The following TMEM232 variants were observed in gnomAD, a reference collection of about 807,000 sequenced individuals.
TMEM232 encodes transmembrane protein 232.
In TMEM232, 80 loss-of-function variants were observed where a neutral mutation model predicts 78.8. The ratio of observed to expected loss-of-function variants is 1.01; its 90% CI spans 0.85 to 1.22. The LOEUF is 1.22. Among genes scored for constraint, TMEM232 ranks in the 50% most tolerant of loss-of-function variants. TMEM232 has a pLI of 0.00. For missense variants in TMEM232, 881 were observed against 742.2 expected, an observed-to-expected ratio of 1.19 and a Z score of -2.17; for synonymous variants, 297 against 254.3, an observed-to-expected ratio of 1.17 and a Z score of -1.60.
At chr5:110,634,321 T>G (rs1489168358) in intron 5 of TMEM232, among the ~76,000 whole-genome samples, 1 of 152,172 alleles carries the variant, frequency 6.6e-6, no homozygotes, top group East Asian at 1.9e-4. Flanking sequence ...ACATTGTATT[T>G]AACTTGGACT....
rs192451409 is a variant in TMEM232, at chr5:110,660,978, T to C, written c.125+6250A>G. On this transcript the variant is annotated intron_variant, in intron 2 of 13. Coordinates refer to ENST00000455884, the MANE Select transcript of TMEM232 (RefSeq NM_001039763.4). ...TGTTGTCCCCATTAACCAACCTCTC[T>C]TCTTCCCCACTTCTTCACCCTTCCC... Among the ~76,000 whole-genome samples, 599 of 152,254 alleles carry C rather than the reference T, an allele frequency of 3.9e-3. 11 individuals carry two copies. Among genetic ancestry groups the C allele is most frequent in the Admixed American group, 0.032 (488 of 15,286 alleles).
chr5:110,642,672 A>C (rs1786910563), intron 2 of TMEM232, among the ~76,000 whole-genome samples: 1 of 152,120 alleles, frequency 6.6e-6, no homozygotes, highest in African/African-American at 2.4e-5. Context: ...GATAAAATCC[A>C]GCACGGCTTC....
chr5:110,440,035 C>A (rs554270635), intron 12 of TMEM232, among the ~76,000 whole-genome samples: 2 of 152,204 alleles, frequency 1.3e-5, no homozygotes, highest in East Asian at 3.9e-4. Context: ...TTTTGTTATG[C>A]AAATGGTTTC....
At chr5:110,664,546 T>C (rs1294041068) in intron 2 of TMEM232, among the ~76,000 whole-genome samples, 1 of 152,232 alleles carries the variant, frequency 6.6e-6, no homozygotes, top group Non-Finnish European at 1.5e-5. Context: ...AGAAAAGTAT[T>C]GGAAACAAAC....
At chr5:110,596,849 T>A (rs1780231447) in intron 10 of TMEM232, among the ~76,000 whole-genome samples, 1 of 152,170 alleles carries the variant, frequency 6.6e-6, no homozygotes, top group South Asian at 2.1e-4. Flanking sequence ...AAATTAGGTA[T>A]TGATGGGACG....
chr5:110,567,793 C>T (rs1386874139), intron 11 of TMEM232, among the ~76,000 whole-genome samples: 3 of 151,866 alleles, frequency 2.0e-5, no homozygotes, highest in African/African-American at 7.2e-5. Flanking sequence ...AGCCTTCTTC[C>T]TGGTATTTCT....
chr5:110,543,437 G>T (rs1235983008), intron 11 of TMEM232, among the ~76,000 whole-genome samples: 1 of 152,142 alleles, frequency 6.6e-6, no homozygotes, highest in Non-Finnish European at 1.5e-5. Flanking sequence ...TTTCTTGCAA[G>T]AAGTTGCCAG....
intron 8 of TMEM232, among the ~76,000 whole-genome samples, chr5:110,614,107 G>A (rs1782642095): frequency 1.3e-5 from 2 of 152,032 alleles, no homozygotes; most frequent in South Asian, 4.2e-4. Context: ...AGCAATTATT[G>A]TTTTCCTTTC....
At chr5:110,495,611 A>C in intron 12 of TMEM232, among the ~76,000 whole-genome samples, 1 of 151,952 alleles carries the variant, frequency 6.6e-6, no homozygotes, top group East Asian at 1.9e-4. Flanking sequence ...ATGATTCTCT[A>C]GTCCAAAAAA....
At chr5:110,531,050 A>G (rs1204016848) in intron 11 of TMEM232, among the ~76,000 whole-genome samples, 1 of 152,116 alleles carries the variant, frequency 6.6e-6, no homozygotes, top group Non-Finnish European at 1.5e-5. Flanking sequence ...AGTGAAAATG[A>G]CCTGTTCCTG....
chr5:110,454,855 GA>G (rs1244711511), intron 12 of TMEM232, among the ~76,000 whole-genome samples: 5 of 150,650 alleles, frequency 3.3e-5, no homozygotes, highest in African/African-American at 9.8e-5. Flanking sequence ...ATTAATCAAT[GA>G]AAGTGAAAAA....
chr5:110,393,040 G>A (rs1458983278), intron 3 of TMEM232, among the ~76,000 whole-genome samples: 1 of 152,136 alleles, frequency 6.6e-6, no homozygotes, highest in Non-Finnish European at 1.5e-5. Flanking sequence ...TCAGAACACT[G>A]AATAATTTCA....
rs532188486 is a variant in TMEM232 at position 110,710,526 on chromosome 5, C to T, written c.-13+16101G>A. Among the ~76,000 whole-genome samples, 3 of 152,160 alleles carry T rather than the reference C, an allele frequency of 2.0e-5. No individual in the cohort carries two copies. The South Asian group carries it at 6.2e-4, about 32-fold the overall frequency. On this transcript the variant is annotated intron_variant, in intron 1 of 13. Coordinates refer to ENST00000455884, the MANE Select transcript of TMEM232 (RefSeq NM_001039763.4). ...ATCTAGCAAACCAATGTCAATGATA[C>T]ATTAGAAAGATTATTCATCATGACG... is the stretch of plus-strand genomic sequence containing the variant.
chr5:110,528,847 A>C lies in TMEM232; in HGVS notation c.1456-12T>G, dbSNP rs1353591580. On this transcript the variant is annotated splice_polypyrimidine_tract_variant and intron_variant, in intron 11 of 13. Transcript: ENST00000455884. ...TCATTTAACTCAGCCTGTTGAAAGA[A>C]AAGAGAAAGGAATCAGTTGAAACAG... 18 of 1,411,260 alleles carry C rather than the reference A, an allele frequency of 1.3e-5. No homozygotes were observed. The highest frequency in any genetic ancestry group is 1.7e-5 in the South Asian group (1 of 58,706). The allele number at this position is 1,411,260 out of a possible 1,614,324, so 87.4% of individuals were successfully genotyped here. A position where few individuals can be genotyped will look rare whatever the true frequency, so the allele number is the denominator to read the frequency against.
chr5:110,531,067 C>T (rs944771037), intron 11 of TMEM232, among the ~76,000 whole-genome samples: 1 of 152,148 alleles, frequency 6.6e-6, no homozygotes, highest in Non-Finnish European at 1.5e-5. Flanking sequence ...CCTGCCTTAA[C>T]TGATGACATT....
At chr5:110,448,475 T>C (rs574727230) in intron 12 of TMEM232, among the ~76,000 whole-genome samples, 26 of 152,194 alleles carry the variant, frequency 1.7e-4, no homozygotes, top group Admixed American at 7.2e-4. Context: ...AGACTAGCAG[T>C]GAACACTCAA....
At chr5:110,734,430 A>C (rs1447584745) in intron 2 of TMEM232, among the ~76,000 whole-genome samples, 2 of 152,212 alleles carry the variant, frequency 1.3e-5, no homozygotes, top group Non-Finnish European at 2.9e-5. Context: ...ATATCACTCT[A>C]CCAACTACCC....
intron 12 of TMEM232, among the ~76,000 whole-genome samples, chr5:110,478,831 T>C (rs939998958): frequency 1.3e-5 from 2 of 151,520 alleles, no homozygotes; most frequent in Non-Finnish European, 3.0e-5. Context: ...TGCTAAGCAG[T>C]GTTTTGTCTA....
Position 110,640,977 on chromosome 5 carries a change from GT to G in TMEM232, c.256del (p.Thr86ProfsTer17). ...LRCKRKLGLK[T>X]LGSGRHVHLP... The stretch of plus-strand genomic sequence containing the variant: ...ATGCACATGCCTTCCAGAGCCCAGG[GT>G]TTTGAGACCCAATTTTCTCTGTTAT... On this transcript the variant is annotated frameshift_variant, in exon 4 of 14. Transcript: ENST00000455884. LOFTEE classifies it high-confidence loss of function. 6.5e-7 allele frequency: 1 copy of G among 1,530,008 alleles called. No homozygotes were observed. The highest frequency in any genetic ancestry group is 2.1e-5 in the Admixed American group (1 of 48,372). 94.8% of individuals were successfully genotyped at this position (1,530,008 alleles called of 1,614,324 possible).
Sources: gnomAD v4.1 joint callset for allele counts (sites outside exome capture counted in the v4.1 genomes callset) on GRCh38, gnomAD v4.1.1 for gene constraint, MANE v1.5 for transcripts, NCBI Gene and HGNC (gene_info 2026-07-23, HGNC 2026-07-21) for gene names.